Variants in CACNA1A observed in about 807,000 individuals in gnomAD.
The protein encoded by CACNA1A is calcium voltage-gated channel subunit alpha1 A.
CACNA1A carries 57 observed loss-of-function variants against 262.4 expected under a neutral mutation model. The observed-to-expected ratio is 0.22, with a 90% CI of 0.18 to 0.27. CACNA1A has a LOEUF of 0.27. Among genes scored for constraint, CACNA1A ranks in the 10% least tolerant of loss-of-function variants. CACNA1A has a pLI of 1.00. For missense variants in CACNA1A, 2,526 were observed against 3,562.8 expected, an observed-to-expected ratio of 0.71 and a Z score of 7.41; for synonymous variants, 1,431 against 1,419.3, an observed-to-expected ratio of 1.01 and a Z score of -0.18.
chr19:13,318,268 C>T (rs1042914066), intron 10 of CACNA1A, among the ~76,000 whole-genome samples: 4 of 152,032 alleles, frequency 2.6e-5, no homozygotes, highest in African/African-American at 9.7e-5. Flanking sequence ...GTAGAGGAAA[C>T]AGCAAATTTA....
chr19:13,444,966 C>T (rs2060783168), intron 3 of CACNA1A, among the ~76,000 whole-genome samples: 1 of 151,942 alleles, frequency 6.6e-6, no homozygotes. Flanking sequence ...GGAGAAACCT[C>T]GTCTCTACTA....
chr19:13,438,357 C>T (rs555075284), intron 3 of CACNA1A, among the ~76,000 whole-genome samples: 4 of 152,370 alleles, frequency 2.6e-5, no homozygotes, highest in South Asian at 2.1e-4. Flanking sequence ...GTGGCCAACA[C>T]GATGTTGTGC....
intron 1 of CACNA1A, among the ~76,000 whole-genome samples, chr19:13,479,656 C>T (rs529776920): frequency 1.2e-3 from 189 of 152,258 alleles, no homozygotes; most frequent in African/African-American, 4.3e-3. Context: ...GGAGGACAGG[C>T]CTGAGCTCAG....
At chr19:13,345,777 A>AC (rs1191151844) in intron 6 of CACNA1A, among the ~76,000 whole-genome samples, 1 of 151,556 alleles carries the variant, frequency 6.6e-6, no homozygotes, top group Non-Finnish European at 1.5e-5. Flanking sequence ...CCCACTTTAT[A>AC]CCCGTTATAG....
At chr19:13,290,498 C>A (rs2144908080) in intron 19 of CACNA1A, among the ~76,000 whole-genome samples, 1 of 152,118 alleles carries the variant, frequency 6.6e-6, no homozygotes, top group South Asian at 2.1e-4. Context: ...TAGCTCACTG[C>A]AACTTTTAAC....
rs1193230442 is a variant in CACNA1A, at chr19:13,209,014, G to A, written c.6527-5C>T. 1 of 1,537,050 alleles carries A rather than the reference G, an allele frequency of 6.5e-7. No individual in the cohort carries two copies. Among genetic ancestry groups the A allele is most frequent in the Admixed American group, 2.0e-5 (1 of 50,996 alleles). On this transcript the variant is annotated splice_polypyrimidine_tract_variant and splice_region_variant and intron_variant, in intron 45 of 46. Coordinates refer to ENST00000360228, the MANE Select transcript of CACNA1A (RefSeq NM_001127222.2). ...TGCTCAGGTCTGTCCCCAAGCCTGG[G>A]CCGGGTGAGGGTCAGACAGACACAC...
At chr19:13,455,350 T>A in intron 1 of CACNA1A, 138 bp from the exon 2 acceptor site, 1 of 571,388 alleles carries the variant, frequency 1.8e-6, no homozygotes, top group Non-Finnish European at 3.2e-6. Flanking sequence ...AATTATTCGT[T>A]CTCCTGTCTG....
intron 11 of CACNA1A, among the ~76,000 whole-genome samples, chr19:13,313,544 C>T (rs1318237715): frequency 6.7e-6 from 1 of 149,130 alleles, no homozygotes; most frequent in African/African-American, 2.5e-5. Flanking sequence ...CCCTACCCTC[C>T]AACCAACAAG....
chr19:13,249,478 C>T (rs142899615), intron 30 of CACNA1A, among the ~76,000 whole-genome samples: 18 of 152,244 alleles, frequency 1.2e-4, no homozygotes, highest in Middle Eastern at 3.4e-3. Context: ...ACCTCAGCCT[C>T]CTAAGTAGAT....
intron 1 of CACNA1A, among the ~76,000 whole-genome samples, chr19:13,479,710 C>T (rs965196353): frequency 2.0e-5 from 3 of 152,196 alleles, no homozygotes; most frequent in African/African-American, 7.2e-5. Flanking sequence ...GACAAACAAG[C>T]CTGGAGTCAG....
intron 3 of CACNA1A, among the ~76,000 whole-genome samples, chr19:13,380,813 G>A (rs979295797): frequency 6.6e-6 from 1 of 150,680 alleles, no homozygotes; most frequent in Non-Finnish European, 1.5e-5. Context: ...TCTCCCTGTT[G>A]TCTAGGCTGG....
At chr19:13,457,785 G>A (rs1268273391) in intron 1 of CACNA1A, among the ~76,000 whole-genome samples, 7 of 151,470 alleles carry the variant, frequency 4.6e-5, no homozygotes, top group South Asian at 2.1e-4. Context: ...CCCGGGAGGC[G>A]GAGGTTGCAG....
intron 17 of CACNA1A, among the ~76,000 whole-genome samples, chr19:13,301,224 G>C (rs1463649712): frequency 6.6e-6 from 1 of 151,218 alleles, no homozygotes; most frequent in Non-Finnish European, 1.5e-5. Flanking sequence ...CCAAAGTGCT[G>C]GGATTCCAGG....
intron 1 of CACNA1A, among the ~76,000 whole-genome samples, chr19:13,463,271 G>A (rs2061159574): frequency 6.6e-6 from 1 of 152,128 alleles, no homozygotes; most frequent in Non-Finnish European, 1.5e-5. Context: ...ACCATTGCAT[G>A]CTAGTCCACG....
intron 1 of CACNA1A, among the ~76,000 whole-genome samples, chr19:13,496,882 C>A (rs1402096442): frequency 6.6e-6 from 1 of 152,150 alleles, no homozygotes; most frequent in East Asian, 1.9e-4. Context: ...TGTATTAACT[C>A]ATTTAATCCT....
chr19:13,296,123 G>T (rs72995503), intron 19 of CACNA1A, among the ~76,000 whole-genome samples: 13,412 of 152,218 alleles, frequency 0.088, 749 homozygotes, highest in South Asian at 0.23. Flanking sequence ...CTCAAAATGT[G>T]GTCCCTGGAC....
chr19:13,497,407 G>A (rs1442888774), intron 1 of CACNA1A, among the ~76,000 whole-genome samples: 1 of 136,386 alleles, frequency 7.3e-6, no homozygotes, highest in Non-Finnish European at 1.5e-5. Context: ...CGTCCTGCTT[G>A]AACCCGGGAG....
chr19:13,255,713 C>T (rs1373045178), intron 28 of CACNA1A, among the ~76,000 whole-genome samples: 96 of 119,484 alleles, frequency 8.0e-4, no homozygotes, highest in African/African-American at 3.3e-3. Context: ...CCTTCCCTCC[C>T]TCCCTCCTTC....
chr19:13,459,813 C>T (rs2061085046), intron 1 of CACNA1A, among the ~76,000 whole-genome samples: 1 of 152,190 alleles, frequency 6.6e-6, no homozygotes, highest in South Asian at 2.1e-4. Context: ...GGCTCTGGCA[C>T]TGAAGGTTCC....
Sources: allele counts gnomAD v4.1 joint callset (sites outside exome capture counted in the v4.1 genomes callset), GRCh38; gene constraint gnomAD v4.1.1; transcripts MANE v1.5; gene names NCBI Gene and HGNC (gene_info 2026-07-23, HGNC 2026-07-21).